The following PACSIN2 variants were observed in gnomAD, a reference collection of about 807,000 sequenced individuals.
PACSIN2 encodes protein kinase C and casein kinase substrate in neurons protein 2.
Under a neutral mutation model 63.8 loss-of-function variants are expected in PACSIN2, and 25 were observed. The observed-to-expected ratio is 0.39, with a 90% confidence interval of 0.29 to 0.55. The LOEUF (loss-of-function observed/expected upper bound fraction) is 0.55. Ranked by LOEUF, PACSIN2 falls within the 20% of genes least tolerant of loss-of-function variation. The probability of loss-of-function intolerance (pLI) is 0.62; values close to 1 mark genes in which losing one functional copy is unlikely to be tolerated. For synonymous variants in PACSIN2, 255 were observed against 256.2 expected (o/e 1.00, Z 0.05); for missense variants, 518 against 646.9 (o/e 0.80, Z 2.16).
intron 4 of PACSIN2, among the ~76,000 whole-genome samples, chr22:42,890,586 C>T (rs1333235969): frequency 6.6e-6 from 1 of 152,142 alleles, no homozygotes; most frequent in Non-Finnish European, 1.5e-5. Context: ...GGTGTGGTGG[C>T]ATGTGCCGGT....
chr22:42,884,498 T>G lies in PACSIN2; in HGVS notation c.673A>C (p.Asn225His), dbSNP rs770147637. ...LDQGTPQYME[N>H]MEQVFEQCQQ... ...CACTGCTCAAACACCTGCTCCATGT[T>G]CTCCATGTACTGGGGTGTGCCCTGG... The change falls in exon 6 of 11, where the codon AAC becomes CAC. Residue 225 changes from asparagine to histidine, a missense_variant. Around this residue, in one of 2 missense-constraint regions of PACSIN2, gnomAD observed 507 missense variants for 612.3 expected, o/e 0.83. Transcript: ENST00000263246. 7.4e-6 allele frequency: 12 copies of G among 1,614,158 alleles called. No individual in the cohort carries two copies. Among genetic ancestry groups the G allele is most frequent in the Non-Finnish European group, 9.3e-6 (11 of 1,179,994 alleles).
chr22:42,982,865 TCAA>T lies in PACSIN2; in HGVS notation c.-78+32153_-78+32155del, dbSNP rs1367905023. Reference sequence around the variant, plus strand: ...CTCTGCGAGAAACACCAAAGAATGATCAATAAAAAAAAAAAAAAAAAAAAACAA... The same window carrying T: ...CTCTGCGAGAAACACCAAAGAATGATTAAAAAAAAAAAAAAAAAAAAACAA... On this transcript the variant is annotated intron_variant, in intron 1 of 10. Coordinates refer to ENST00000263246, the MANE Select transcript of PACSIN2 (RefSeq NM_001184970.3). Among the ~76,000 whole-genome samples, 65 of 25,878 alleles carry T rather than the reference TCAA, an allele frequency of 2.5e-3. 1 individual carries two copies. The highest frequency in any genetic ancestry group is 0.011 in the African/African-American group (63 of 5,830). 17.0% of individuals were successfully genotyped at this position (25,878 alleles called of 152,430 possible). A position where few individuals can be genotyped will look rare whatever the true frequency, so the allele number is the denominator to read the frequency against.
chr22:42,972,001 G>T (rs1165576567), intron 1 of PACSIN2, among the ~76,000 whole-genome samples: 2 of 152,242 alleles, frequency 1.3e-5, no homozygotes, highest in Non-Finnish European at 2.9e-5. Context: ...CACCCCGTCT[G>T]GGAGGTGTAC....
intron 1 of PACSIN2, among the ~76,000 whole-genome samples, chr22:42,969,845 A>G (rs902358873): frequency 6.6e-6 from 1 of 151,792 alleles, no homozygotes; most frequent in Non-Finnish European, 1.5e-5. Context: ...TGAGGCTGCA[A>G]TGAATCATGA....
chr22:42,883,905 G>A (rs567766933), intron 6 of PACSIN2, among the ~76,000 whole-genome samples: 4 of 152,144 alleles, frequency 2.6e-5, no homozygotes, highest in Non-Finnish European at 2.9e-5. Flanking sequence ...TCGGGAGGCT[G>A]AGGCAGGAGA....
intron 1 of PACSIN2, among the ~76,000 whole-genome samples, chr22:42,968,108 T>C (rs1285782833): frequency 6.6e-6 from 1 of 152,170 alleles, no homozygotes; most frequent in East Asian, 1.9e-4. Context: ...ACAGCAATGG[T>C]AGCGCGGGAA....
chr22:42,997,629 C>T (rs575518237), intron 1 of PACSIN2, among the ~76,000 whole-genome samples: 8 of 151,638 alleles, frequency 5.3e-5, no homozygotes, highest in African/African-American at 1.9e-4. Flanking sequence ...GAATTGCATG[C>T]AAAAATGTCT....
At chr22:42,966,671 G>A (rs1039815741) in intron 1 of PACSIN2, among the ~76,000 whole-genome samples, 1 of 152,138 alleles carries the variant, frequency 6.6e-6, no homozygotes, top group African/African-American at 2.4e-5. Flanking sequence ...TTTTTCTTAT[G>A]CATTTTATAG....
At chr22:42,991,221 A>T (rs1007120979) in intron 1 of PACSIN2, among the ~76,000 whole-genome samples, 4 of 152,168 alleles carry the variant, frequency 2.6e-5, no homozygotes, top group African/African-American at 7.2e-5. Context: ...GACTGAAGGG[A>T]AAAGAATGAA....
intron 1 of PACSIN2, among the ~76,000 whole-genome samples, chr22:42,933,130 T>TA (rs1932816494): frequency 6.6e-6 from 1 of 152,236 alleles, no homozygotes; most frequent in Non-Finnish European, 1.5e-5. Flanking sequence ...TAGTCTATTA[T>TA]TATCTTTATG....
chr22:42,878,541 GA>G (rs1318605147), intron 8 of PACSIN2, among the ~76,000 whole-genome samples: 4 of 152,232 alleles, frequency 2.6e-5, no homozygotes, highest in African/African-American at 9.6e-5. Flanking sequence ...GACTAAGTCA[GA>G]AATAACCAAT....
intron 1 of PACSIN2, among the ~76,000 whole-genome samples, chr22:43,001,866 C>A (rs1347867008): frequency 6.6e-6 from 1 of 152,162 alleles, no homozygotes; most frequent in African/African-American, 2.4e-5. Context: ...GCTGGCCTGA[C>A]CACTGCTCCC....
intron 1 of PACSIN2, among the ~76,000 whole-genome samples, chr22:43,009,085 G>A (rs1000170725): frequency 6.6e-6 from 1 of 152,264 alleles, no homozygotes; most frequent in South Asian, 2.1e-4. Context: ...TTTCCTCTAC[G>A]AGTGACACAT....
In PACSIN2 at chr22:42,921,740, C is replaced by CTTT. The variant is rs538286179; in HGVS notation, c.-77-9586_-77-9584dup. 7.1e-4 allele frequency among the ~76,000 whole-genome samples: 102 copies of CTTT among 144,660 alleles called. 2 individuals carry two copies. In the East Asian group the frequency reaches 0.019, roughly 26 times the overall value. The allele number at this position is 144,660 out of a possible 152,430, so 94.9% of individuals were successfully genotyped here. A position where few individuals can be genotyped will look rare whatever the true frequency, so the allele number is the denominator to read the frequency against. On this transcript the variant is annotated intron_variant, in intron 1 of 10. Transcript: ENST00000263246. ...AACTTTTGGAAACTTCATTTAGAAG[C>CTTT]TTTTTTTTTTTTTTAGACAGAATCT...
At chr22:42,975,976 C>A (rs556984811) in intron 1 of PACSIN2, among the ~76,000 whole-genome samples, 1 of 152,188 alleles carries the variant, frequency 6.6e-6, no homozygotes, top group African/African-American at 2.4e-5. Context: ...TGCTGAGACA[C>A]CCTGGCCCCC....
At chr22:43,007,158 G>A (rs1444669255) in intron 1 of PACSIN2, among the ~76,000 whole-genome samples, 1 of 151,684 alleles carries the variant, frequency 6.6e-6, no homozygotes, top group Non-Finnish European at 1.5e-5. Context: ...AGAATATAAG[G>A]CAGGTCATAA....
chr22:42,977,234 C>T (rs1921768508), intron 1 of PACSIN2, among the ~76,000 whole-genome samples: 1 of 152,018 alleles, frequency 6.6e-6, no homozygotes, highest in African/African-American at 2.4e-5. Flanking sequence ...CACACCTAAA[C>T]AATGTAAAAA....
intron 1 of PACSIN2, among the ~76,000 whole-genome samples, chr22:42,993,122 C>T (rs1401480923): frequency 1.3e-5 from 2 of 151,150 alleles, no homozygotes; most frequent in South Asian, 2.1e-4. Flanking sequence ...TGCAGTGAGT[C>T]GAGATTGCAC....
intron 1 of PACSIN2, among the ~76,000 whole-genome samples, chr22:42,969,186 T>C (rs1921056233): frequency 6.6e-6 from 1 of 152,228 alleles, no homozygotes; most frequent in African/African-American, 2.4e-5. Context: ...AAAGCTTCCA[T>C]TCTCAGTTTG....
Sources: allele counts gnomAD v4.1 joint callset (sites outside exome capture counted in the v4.1 genomes callset), GRCh38; gene constraint gnomAD v4.1.1; regional missense constraint gnomAD v4.1.1; transcripts MANE v1.5; gene names NCBI Gene and HGNC (gene_info 2026-07-23, HGNC 2026-07-21).